The following NUDCD3 variants were observed in gnomAD, a reference collection of about 807,000 sequenced individuals.
NUDCD3 encodes the protein NudC domain containing 3, also known as nudC domain-containing protein 3.
In NUDCD3, 13 loss-of-function variants were observed where a neutral mutation model predicts 39.7. The ratio of observed to expected loss-of-function variants is 0.33; its 90% CI spans 0.21 to 0.52. The LOEUF (loss-of-function observed/expected upper bound fraction) is 0.52. NUDCD3 is among the 20% of genes least tolerant of loss of function. The pLI is 0.96. For missense variants in NUDCD3, 453 were observed against 458.1 expected, an observed-to-expected ratio of 0.99 and a Z score of 0.10; for synonymous variants, 175 against 172.4, an observed-to-expected ratio of 1.02 and a Z score of -0.12.
rs143962936 is a variant in NUDCD3 at position 44,426,258 on chromosome 7, C to T, written c.642+1313G>A. ...AAGGCCCACAGCCTGACACCTGTTC[C>T]CTGAGGAGGCATAAAAGAAACCTGG... On this transcript the variant is annotated intron_variant, in intron 3 of 5. Coordinates refer to ENST00000355451, the MANE Select transcript of NUDCD3 (RefSeq NM_015332.4). 4,373 of 656,192 alleles carry T rather than the reference C, an allele frequency of 6.7e-3. 18 individuals are homozygous for T. The highest frequency in any genetic ancestry group is 8.0e-3 in the Middle Eastern group (10 of 1,246). 40.6% of individuals were successfully genotyped at this position (656,192 alleles called of 1,614,324 possible).
chr7:44,467,649 A>G (rs944226810), intron 2 of NUDCD3, among the ~76,000 whole-genome samples: 2 of 151,946 alleles, frequency 1.3e-5, no homozygotes, highest in African/African-American at 4.8e-5. Context: ...CATTTGCCCC[A>G]AGCCCCTAAA....
intron 1 of NUDCD3, among the ~76,000 whole-genome samples, chr7:44,489,332 A>G (rs899859808): frequency 9.2e-5 from 14 of 152,224 alleles, no homozygotes; most frequent in African/African-American, 3.1e-4. Context: ...AAGTTCTGAA[A>G]TTGAATCCTA....
chr7:44,466,031 G>T (rs1263590262), intron 2 of NUDCD3, among the ~76,000 whole-genome samples: 1 of 152,122 alleles, frequency 6.6e-6, no homozygotes, highest in Non-Finnish European at 1.5e-5. Flanking sequence ...CCAGGACCAT[G>T]GAAGCCTGGG....
At chr7:44,446,311 AC>A (rs902294577) in intron 2 of NUDCD3, among the ~76,000 whole-genome samples, 1 of 152,198 alleles carries the variant, frequency 6.6e-6, no homozygotes, top group African/African-American at 2.4e-5. Flanking sequence ...GGGAATGGCC[AC>A]CCCAGAGAGC....
At chr7:44,451,605 T>C (rs1032455367) in intron 2 of NUDCD3, among the ~76,000 whole-genome samples, 1 of 151,984 alleles carries the variant, frequency 6.6e-6, no homozygotes, top group African/African-American at 2.4e-5. Flanking sequence ...AACAGAGCCG[T>C]GGTTGCCTAA....
Position 44,400,288 on chromosome 7 carries a change from A to T in NUDCD3, c.786+4152T>A, listed in dbSNP as rs1286742974. 2.0e-5 allele frequency among the ~76,000 whole-genome samples: 3 copies of T among 152,224 alleles called. No homozygotes were observed. The East Asian group carries it at 5.8e-4, about 29-fold the overall frequency. On this transcript the variant is annotated intron_variant, in intron 4 of 5. Transcript: ENST00000355451. Reference sequence around the variant, plus strand: ...TGTGGGAGGGAGGGAGGGAGGCAAGAACTGTCATACGGTTTTAGCAGCCAC... The same window carrying T: ...TGTGGGAGGGAGGGAGGGAGGCAAGTACTGTCATACGGTTTTAGCAGCCAC...
intron 4 of NUDCD3, 30 bp from the exon 5 acceptor site, chr7:44,392,515 C>T (rs1455697309): frequency 6.2e-7 from 1 of 1,604,450 alleles, no homozygotes; most frequent in Admixed American, 1.7e-5. Flanking sequence ...AGACCTGAGT[C>T]AGAGACCTGA....
At chr7:44,405,625 T>C (rs1798804806) in intron 3 of NUDCD3, among the ~76,000 whole-genome samples, 1 of 152,204 alleles carries the variant, frequency 6.6e-6, no homozygotes, top group Non-Finnish European at 1.5e-5. Context: ...GATGGCTCAT[T>C]AAACGCTTAT....
rs116614457 is a variant in NUDCD3 at position 44,434,421 on chromosome 7, G to A, written c.510-6718C>T. 5.0e-3 allele frequency among the ~76,000 whole-genome samples: 759 copies of A among 152,276 alleles called. 4 individuals carry two copies. Among genetic ancestry groups the A allele is most frequent in the African/African-American group, 0.017 (721 of 41,544 alleles). On this transcript the variant is annotated intron_variant, in intron 2 of 5. Coordinates refer to ENST00000355451, the MANE Select transcript of NUDCD3 (RefSeq NM_015332.4). ...ACCAGCCTTCCTGCAACTCTTGCCA[G>A]ATTCGTCTGTCTAGAGGGTGGTGCC...
chr7:44,467,817 T>TA (rs762134645), intron 2 of NUDCD3: 66,815 of 823,730 alleles, frequency 0.081, 8 homozygotes, highest in East Asian at 0.089. Context: ...AAGACCTCAG[T>TA]AAAAAAAAAA....
chr7:44,458,980 G>GTGTGTGT, intron 2 of NUDCD3, among the ~76,000 whole-genome samples: 1 of 127,570 alleles, frequency 7.8e-6, no homozygotes, highest in East Asian at 2.3e-4. Context: ...GTGTGTGTGT[G>GTGTGTGT]GTGATGTGTA....
intron 3 of NUDCD3, among the ~76,000 whole-genome samples, chr7:44,408,557 A>G (rs1480055782): frequency 1.3e-5 from 2 of 152,234 alleles, no homozygotes; most frequent in Non-Finnish European, 2.9e-5. Context: ...TTCCTGATCC[A>G]AAGGATGTCA....
chr7:44,433,186 G>A (rs146716246), intron 2 of NUDCD3, among the ~76,000 whole-genome samples: 11 of 152,292 alleles, frequency 7.2e-5, no homozygotes, highest in African/African-American at 2.6e-4. Context: ...ATCCAGAACT[G>A]TGAGAAGTAA....
chr7:44,482,671 C>G (rs1410584466), intron 2 of NUDCD3, among the ~76,000 whole-genome samples: 1 of 152,144 alleles, frequency 6.6e-6, no homozygotes, highest in African/African-American at 2.4e-5. Flanking sequence ...GAAATCAAAA[C>G]CCAGAGACTC....
At chr7:44,470,606 G>C (rs377766528) in intron 2 of NUDCD3, among the ~76,000 whole-genome samples, 1 of 152,172 alleles carries the variant, frequency 6.6e-6, no homozygotes, top group African/African-American at 2.4e-5. Context: ...CGTGGACCGG[G>C]CTCTGCATAG....
chr7:44,391,577 TC>T (rs1798516222), intron 5 of NUDCD3, among the ~76,000 whole-genome samples: 1 of 152,048 alleles, frequency 6.6e-6, no homozygotes, highest in African/African-American at 2.4e-5. Flanking sequence ...AGATGACCCC[TC>T]CCCACTGACT....
intron 2 of NUDCD3, among the ~76,000 whole-genome samples, chr7:44,440,407 G>A (rs1039184833): frequency 4.2e-5 from 6 of 143,996 alleles, no homozygotes; most frequent in South Asian, 2.2e-4. Flanking sequence ...TGAAGGTGAC[G>A]AGAACATAAT....
At chr7:44,480,404 T>G (rs1056495366) in intron 2 of NUDCD3, among the ~76,000 whole-genome samples, 3 of 152,234 alleles carry the variant, frequency 2.0e-5, no homozygotes, top group Non-Finnish European at 4.4e-5. Flanking sequence ...ACTACTATTT[T>G]CTTCCAGCTT....
At chr7:44,416,436 G>A (rs1235420931) in intron 3 of NUDCD3, among the ~76,000 whole-genome samples, 1 of 151,634 alleles carries the variant, frequency 6.6e-6, no homozygotes, top group African/African-American at 2.4e-5. Flanking sequence ...AGGTTGCAGT[G>A]AGCCAAGATG....
Sources: gnomAD v4.1 joint callset for allele counts (sites outside exome capture counted in the v4.1 genomes callset) on GRCh38, gnomAD v4.1.1 for gene constraint, MANE v1.5 for transcripts, NCBI Gene and HGNC (gene_info 2026-07-23, HGNC 2026-07-21) for gene names.